DGKB: variants seen among roughly 807,000 people sequenced by gnomAD.
The protein encoded by DGKB is 90 kDa diacylglycerol kinase.
Under a neutral mutation model 114.3 loss-of-function variants are expected in DGKB, and 67 were observed. The ratio of observed to expected loss-of-function variants is 0.59; its 90% CI spans 0.48 to 0.72. DGKB has a LOEUF of 0.72. DGKB is among the 30% of genes least tolerant of loss of function. The pLI is 0.00. For synonymous variants in DGKB, 398 were observed against 323.1 expected (o/e 1.23, Z -2.49); for missense variants, 907 against 975.2 (o/e 0.93, Z 0.93).
intron 21 of DGKB, among the ~76,000 whole-genome samples, chr7:14,411,176 C>A (rs759755670): frequency 6.6e-6 from 1 of 152,074 alleles, no homozygotes; most frequent in South Asian, 2.1e-4. Context: ...ATAAAATAAG[C>A]TTTGTGTTCG....
chr7:14,232,635 A>G (rs1792086923), intron 23 of DGKB, among the ~76,000 whole-genome samples: 1 of 151,972 alleles, frequency 6.6e-6, no homozygotes, highest in African/African-American at 2.4e-5. Context: ...ACTCAGGACT[A>G]ACTCAAATCC....
chr7:14,746,244 G>T (rs1289326305), intron 4 of DGKB, among the ~76,000 whole-genome samples: 1 of 152,094 alleles, frequency 6.6e-6, no homozygotes, highest in Admixed American at 6.6e-5. Context: ...TGAGACAGGA[G>T]AATCACTTGA....
intron 6 of DGKB, among the ~76,000 whole-genome samples, chr7:14,707,103 A>T (rs1826406463): frequency 1.4e-5 from 2 of 138,770 alleles, no homozygotes; most frequent in Admixed American, 7.3e-5. Flanking sequence ...GAGAAGAATC[A>T]AATAGACGCA....
chr7:14,814,307 G>A (rs1308399227), intron 2 of DGKB, among the ~76,000 whole-genome samples: 2 of 152,148 alleles, frequency 1.3e-5, no homozygotes, highest in African/African-American at 4.8e-5. Flanking sequence ...TTACCAGAGT[G>A]AGGTCAAACC....
chr7:14,186,889 G>C (rs950187545), intron 23 of DGKB, among the ~76,000 whole-genome samples: 2 of 152,078 alleles, frequency 1.3e-5, no homozygotes, highest in Non-Finnish European at 2.9e-5. Context: ...AGAGGGGCGA[G>C]GGATAAAAGA....
At chr7:14,971,329 G>GA (rs1325902598) in intron 1 of DGKB, among the ~76,000 whole-genome samples, 2 of 152,038 alleles carry the variant, frequency 1.3e-5, no homozygotes, top group Admixed American at 6.6e-5. Flanking sequence ...GATATTAGAG[G>GA]AAAAAATCTC....
chr7:14,816,742 T>G (rs190116092), intron 2 of DGKB, among the ~76,000 whole-genome samples: 1 of 152,330 alleles, frequency 6.6e-6, no homozygotes, highest in South Asian at 2.1e-4. Flanking sequence ...AATTTAATTA[T>G]TCCAATAGGA....
At chr7:14,822,811 A>G (rs1845126392) in intron 2 of DGKB, among the ~76,000 whole-genome samples, 1 of 152,132 alleles carries the variant, frequency 6.6e-6, no homozygotes, top group Non-Finnish European at 1.5e-5. Flanking sequence ...TTTCTTCCAC[A>G]ATTGTTCTAA....
At chr7:14,391,620 G>A (rs937936313) in intron 21 of DGKB, among the ~76,000 whole-genome samples, 1 of 152,096 alleles carries the variant, frequency 6.6e-6, no homozygotes, top group African/African-American at 2.4e-5. Flanking sequence ...GATCACTTGA[G>A]CCTGGCAGGT....
intron 4 of DGKB, among the ~76,000 whole-genome samples, chr7:14,740,095 G>A (rs779204081): frequency 6.6e-6 from 1 of 152,238 alleles, no homozygotes; most frequent in Non-Finnish European, 1.5e-5. Flanking sequence ...CAGCTGGCCA[G>A]CGTTCCCCGC....
chr7:14,757,970 T>C (rs1835133752), intron 2 of DGKB, among the ~76,000 whole-genome samples: 1 of 152,052 alleles, frequency 6.6e-6, no homozygotes, highest in Non-Finnish European at 1.5e-5. Flanking sequence ...AAGAAAAATA[T>C]GGGTAGCTAA....
At chr7:14,900,527 C>T (rs545330233) in intron 1 of DGKB, among the ~76,000 whole-genome samples, 145 of 152,144 alleles carry the variant, frequency 9.5e-4, no homozygotes, top group Middle Eastern at 3.4e-3. Context: ...TTAGATTTCG[C>T]GATCAGCAGC....
chr7:14,757,200 C>G (rs943786970), intron 3 of DGKB, among the ~76,000 whole-genome samples: 1 of 152,114 alleles, frequency 6.6e-6, no homozygotes, highest in African/African-American at 2.4e-5. Flanking sequence ...GGGTAACTCC[C>G]TACCCCTACA....
chr7:14,481,377 T>C (rs757396223), intron 20 of DGKB, among the ~76,000 whole-genome samples: 1 of 152,084 alleles, frequency 6.6e-6, no homozygotes, highest in Non-Finnish European at 1.5e-5. Flanking sequence ...TCTATATGTA[T>C]TGAGATCCCA....
intron 23 of DGKB, among the ~76,000 whole-genome samples, chr7:14,312,807 G>C (rs1805632681): frequency 6.6e-6 from 1 of 152,124 alleles, no homozygotes. Flanking sequence ...GACAGTATTT[G>C]TTCCCAATGA....
intron 6 of DGKB, among the ~76,000 whole-genome samples, chr7:14,705,840 A>G (rs562058882): frequency 9.8e-5 from 15 of 152,308 alleles, no homozygotes; most frequent in Middle Eastern, 3.4e-3. Context: ...AGGAACAACC[A>G]GTACCAGCCA....
At chr7:14,565,184 T>C (rs1797215268) in intron 20 of DGKB, among the ~76,000 whole-genome samples, 1 of 152,126 alleles carries the variant, frequency 6.6e-6, no homozygotes, top group South Asian at 2.1e-4. Context: ...CTTTTTCTAC[T>C]GAAAATTTTT....
intron 1 of DGKB, among the ~76,000 whole-genome samples, chr7:14,968,997 T>A (rs1364718370): frequency 1.3e-5 from 2 of 152,176 alleles, no homozygotes; most frequent in Admixed American, 1.3e-4. Flanking sequence ...CTTACTGGTT[T>A]TCCAGTCTGT....
intron 21 of DGKB, among the ~76,000 whole-genome samples, chr7:14,401,197 C>T (rs576302748): frequency 3.3e-5 from 5 of 151,972 alleles, no homozygotes; most frequent in East Asian, 3.9e-4. Flanking sequence ...AAATGTCTTC[C>T]ATTGTGCATG....
Sources: allele counts gnomAD v4.1 joint callset (sites outside exome capture counted in the v4.1 genomes callset), GRCh38; gene constraint gnomAD v4.1.1; transcripts MANE v1.5; gene names NCBI Gene and HGNC (gene_info 2026-07-23, HGNC 2026-07-21).